Variants in ERGIC1 observed in about 807,000 individuals in gnomAD.
The protein encoded by ERGIC1 is endoplasmic reticulum-golgi intermediate compartment 1.
ERGIC1 carries 19 observed loss-of-function variants against 38.3 expected under a neutral mutation model. That is an observed-to-expected ratio of 0.50 (90% CI 0.35 to 0.73). The LOEUF (loss-of-function observed/expected upper bound fraction) is 0.73. Ranked by LOEUF, ERGIC1 falls within the 30% of genes least tolerant of loss-of-function variation. The pLI is 0.01. For synonymous variants in ERGIC1, 124 were observed against 157.6 expected (o/e 0.79, Z 1.60); for missense variants, 294 against 389.2 (o/e 0.76, Z 2.06).
chr5:172,867,761 C>T lies in ERGIC1; in HGVS notation c.21-20938C>T, dbSNP rs566561981. The stretch of plus-strand genomic sequence containing the variant: ...CACCATTTCCCTTCCCTGCATTCTG[C>T]GCTCAGCAGGGCTATTCACAGGAAG... On this transcript the variant is annotated intron_variant, in intron 1 of 9. Transcript: ENST00000393784. 11 of 195,256 alleles carry T rather than the reference C, an allele frequency of 5.6e-5. No homozygotes were observed. The East Asian group carries it at 6.6e-4, about 12-fold the overall frequency. The allele number at this position is 195,256 out of a possible 1,614,324, so 12.1% of individuals were successfully genotyped here.
In ERGIC1 at chr5:172,940,388, C is replaced by T. The variant is rs560163923; in HGVS notation, c.765+5078C>T. Among the ~76,000 whole-genome samples, 7 of 152,222 alleles carry T rather than the reference C, an allele frequency of 4.6e-5. No individual in the cohort carries two copies. The South Asian group carries it at 1.0e-3, about 23-fold the overall frequency. Reference sequence around the variant, plus strand: ...AAGGGAATAAACAGATTGTGTTTGACGACATGCAAGTAATCCCCTCCAAAG... The same window carrying T: ...AAGGGAATAAACAGATTGTGTTTGATGACATGCAAGTAATCCCCTCCAAAG... On this transcript the variant is annotated intron_variant, in intron 9 of 9. Transcript: ENST00000393784.
At chr5:172,940,674 A>C (rs1454341567) in intron 9 of ERGIC1, among the ~76,000 whole-genome samples, 1 of 152,082 alleles carries the variant, frequency 6.6e-6, no homozygotes, top group African/African-American at 2.4e-5. Context: ...TGCTACTCAA[A>C]ACCTGTCATT....
intron 1 of ERGIC1, among the ~76,000 whole-genome samples, chr5:172,865,730 G>A (rs1761841609): frequency 6.6e-6 from 1 of 152,212 alleles, no homozygotes. Flanking sequence ...ATCTGTGTGT[G>A]TTGGACTTCT....
rs748064393 is a variant in ERGIC1, at chr5:172,854,217, C to CA, written c.20+19799dup. ...GCAACATAGTGAGACTCCATCTCTA[C>CA]AAAAAAAAAAAAAAATTAGCTGGGC... On this transcript the variant is annotated intron_variant, in intron 1 of 9. Coordinates refer to ENST00000393784, the MANE Select transcript of ERGIC1 (RefSeq NM_001031711.3). Among the ~76,000 whole-genome samples the CA allele has an allele frequency of 5.8e-3, 711 of 122,602 alleles. 2 individuals carry two copies. Among genetic ancestry groups the CA allele is most frequent in the African/African-American group, 0.014 (457 of 33,258 alleles). The allele number at this position is 122,602 out of a possible 152,430, so 80.4% of individuals were successfully genotyped here.
intron 2 of ERGIC1, among the ~76,000 whole-genome samples, chr5:172,893,769 C>T (rs1762626852): frequency 6.7e-6 from 1 of 149,780 alleles, no homozygotes; most frequent in Non-Finnish European, 1.5e-5. Context: ...AACACGGCCA[C>T]TCAGTAAACT....
chr5:172,878,240 G>A (rs904786379), intron 1 of ERGIC1, among the ~76,000 whole-genome samples: 7 of 152,166 alleles, frequency 4.6e-5, no homozygotes, highest in African/African-American at 1.2e-4. Context: ...CCTTATATGC[G>A]TTGGTGACAT....
At chr5:172,917,218 T>G (rs1413590767) in intron 5 of ERGIC1, 2 of 152,230 alleles carry the variant, frequency 1.3e-5, no homozygotes, top group Non-Finnish European at 2.9e-5. Flanking sequence ...CTGGAGTCTG[T>G]GGGAAGTAGG....
At chr5:172,861,773 T>A (rs919819465) in intron 1 of ERGIC1, among the ~76,000 whole-genome samples, 1 of 152,126 alleles carries the variant, frequency 6.6e-6, no homozygotes, top group Non-Finnish European at 1.5e-5. Flanking sequence ...GATAGCCTGG[T>A]GCTCCCCAGC....
At chr5:172,845,243 G>A (rs539706212) in intron 1 of ERGIC1, among the ~76,000 whole-genome samples, 1 of 152,252 alleles carries the variant, frequency 6.6e-6, no homozygotes, top group East Asian at 1.9e-4. Flanking sequence ...TTGCCTTGGG[G>A]GCAACAGACT....
intron 1 of ERGIC1, among the ~76,000 whole-genome samples, chr5:172,876,938 G>A (rs545857345): frequency 1.2e-4 from 18 of 151,434 alleles, no homozygotes; most frequent in Admixed American, 8.5e-4. Flanking sequence ...GTGAAACTCC[G>A]TCTCAAAAAA....
chr5:172,888,935 A>G (rs1762489341), intron 2 of ERGIC1, among the ~76,000 whole-genome samples, 175 bp downstream of exon 2: 1 of 152,132 alleles, frequency 6.6e-6, no homozygotes, highest in Admixed American at 6.5e-5. Flanking sequence ...CTCTATCCTC[A>G]CTGTAACCCC....
intron 7 of ERGIC1, 73 bp from the exon 8 acceptor site, chr5:172,932,363 G>T: frequency 6.6e-7 from 1 of 1,507,062 alleles, no homozygotes; most frequent in Non-Finnish European, 9.1e-7. Context: ...TTAGGCTTAG[G>T]ATTGAAATGA....
In ERGIC1 at chr5:172,881,714, A is replaced by G. The variant is rs73325149; in HGVS notation, c.21-6985A>G. The stretch of plus-strand genomic sequence containing the variant: ...TCTGGATTCAGATCTCTGCCGTGGC[A>G]CTTCATAGGTGTGTGAGCCTAGCCA... On this transcript the variant is annotated intron_variant, in intron 1 of 9. Transcript: ENST00000393784. Among the ~76,000 whole-genome samples, 392 of 152,322 alleles carry G rather than the reference A, an allele frequency of 2.6e-3. 2 individuals are homozygous for G. The highest frequency in any genetic ancestry group is 9.2e-3 in the African/African-American group (381 of 41,572).
At chr5:172,852,632 G>A (rs1480016643) in intron 1 of ERGIC1, among the ~76,000 whole-genome samples, 1 of 152,194 alleles carries the variant, frequency 6.6e-6, no homozygotes, top group Non-Finnish European at 1.5e-5. Flanking sequence ...AAAAAGTGTT[G>A]AATAGTAAAT....
intron 5 of ERGIC1, 132 bp downstream of exon 5, chr5:172,914,970 TC>T: frequency 7.0e-7 from 1 of 1,420,722 alleles, no homozygotes; most frequent in Non-Finnish European, 9.8e-7. Context: ...AGGGTTCGTG[TC>T]CAGCTGCCTG....
intron 3 of ERGIC1, chr5:172,905,493 T>C (rs1762994522): frequency 2.2e-6 from 1 of 460,382 alleles, no homozygotes; most frequent in Admixed American, 2.4e-5. Flanking sequence ...TACAGCTCTA[T>C]TGGAAGCCGT....
At chr5:172,908,713 C>A (rs1353438779) in intron 3 of ERGIC1, among the ~76,000 whole-genome samples, 3 of 152,222 alleles carry the variant, frequency 2.0e-5, no homozygotes, top group Non-Finnish European at 4.4e-5. Context: ...AAGAACACAG[C>A]CCGTTTTAGA....
At chr5:172,856,822 G>A (rs747100718) in intron 1 of ERGIC1, among the ~76,000 whole-genome samples, 25 of 152,190 alleles carry the variant, frequency 1.6e-4, no homozygotes, top group Non-Finnish European at 2.6e-4. Flanking sequence ...AGAATGGATT[G>A]TAGCCTTGCC....
chr5:172,905,334 A>AAATTGGGTGCTGAAGGCCAGC, intron 3 of ERGIC1: 1 of 388,236 alleles, frequency 2.6e-6, no homozygotes, highest in South Asian at 1.9e-5. Flanking sequence ...GCTGGGGTAG[A>AAATTGGGTGCTGAAGGCCAGC]AATTGGGTGC....
Sources: gnomAD v4.1 joint callset for allele counts (sites outside exome capture counted in the v4.1 genomes callset) on GRCh38, gnomAD v4.1.1 for gene constraint, MANE v1.5 for transcripts, NCBI Gene and HGNC (gene_info 2026-07-23, HGNC 2026-07-21) for gene names.